The following UPK1A variants were observed in gnomAD, a reference collection of about 807,000 sequenced individuals.
The protein encoded by UPK1A is uroplakin 1A.
In UPK1A, 31 loss-of-function variants were observed where a neutral mutation model predicts 32.3. The observed-to-expected ratio is 0.96, with a 90% CI of 0.72 to 1.30. The LOEUF is 1.30. Ranked by LOEUF, UPK1A falls within the 50% of genes most tolerant of loss-of-function variation. The pLI is 0.00. For synonymous variants in UPK1A, 135 were observed against 137.1 expected, an observed-to-expected ratio of 0.98 and a Z score of 0.11; for missense variants, 340 against 357.4, an observed-to-expected ratio of 0.95 and a Z score of 0.39.
chr19:35,673,530 C>T (rs765159930), exon 5 of UPK1A: 3 of 1,613,514 alleles, frequency 1.9e-6, no homozygotes, highest in East Asian at 2.2e-5. Flanking sequence ...GCCTCTGGGA[C>T]CGCGTCATGA....
exon 2 of UPK1A, chr19:35,666,873 G>A: frequency 6.2e-7 from 1 of 1,614,104 alleles, no homozygotes; most frequent in Non-Finnish European, 8.5e-7. Flanking sequence ...GGGCCTGCTA[G>A]TTGTGGGCAA....
intron 2 of UPK1A, among the ~76,000 whole-genome samples, chr19:35,667,213 C>A (rs1168064184): frequency 1.3e-5 from 2 of 152,190 alleles, no homozygotes; most frequent in Admixed American, 1.3e-4. Context: ...ATCAGCATCA[C>A]TATGGATATA....
chr19:35,673,300 T>C (rs940444637), exon 4 of UPK1A: 6 of 1,614,016 alleles, frequency 3.7e-6, no homozygotes, highest in Non-Finnish European at 2.5e-6. Context: ...ACACCCACCG[T>C]GACTACGTGA....
chr19:35,675,845 A>T (rs1379750267), exon 6 of UPK1A: 1 of 1,609,806 alleles, frequency 6.2e-7, no homozygotes, highest in Admixed American at 1.7e-5. Flanking sequence ...TCTAGCAAGA[A>T]TGCTGTGGCA....
intron 1 of UPK1A, 104 bp from the exon 2 acceptor site, chr19:35,666,705 C>A: frequency 1.7e-6 from 2 of 1,179,308 alleles, no homozygotes; most frequent in Non-Finnish European, 1.2e-6. Flanking sequence ...GCCTGGGCCC[C>A]GCAGAGAGCT....
chr19:35,676,874 G>A (rs533312372), intron 6 of UPK1A, among the ~76,000 whole-genome samples: 128 of 151,264 alleles, frequency 8.5e-4, no homozygotes, highest in African/African-American at 3.0e-3. Context: ...ACCCCAGCCT[G>A]GGCGACAGAG....
At position 35,676,848 on chromosome 19, in the gene UPK1A, G is replaced by A. The variant is rs146127978; in HGVS notation, c.648+829G>A. The stretch of plus-strand genomic sequence containing the variant: ...CTGGAGGTGAAGGTTGCAGTGAGCC[G>A]AGATTGTGCCACTGCACCCCAGCCT... On this transcript the variant is annotated intron_variant, in intron 6 of 7. Transcript: ENST00000617999. 4.0e-3 allele frequency among the ~76,000 whole-genome samples: 601 copies of A among 151,914 alleles called. 33 individuals carry two copies. In the East Asian group the frequency reaches 0.11, roughly 27 times the overall value.
chr19:35,671,260 G>T (rs930807155), intron 3 of UPK1A, among the ~76,000 whole-genome samples: 1 of 149,988 alleles, frequency 6.7e-6, no homozygotes, highest in Admixed American at 6.7e-5. Flanking sequence ...GGTGGCGGGC[G>T]CCTGTAGTCC....
In UPK1A at chr19:35,673,428, T is replaced by A. The variant is rs1477875946; in HGVS notation, c.361-10T>A. 1.2e-6 allele frequency: 2 copies of A among 1,613,470 alleles called. No homozygotes were observed. The highest frequency in any genetic ancestry group is 1.7e-5 in the Admixed American group (1 of 59,978). ...CCCTGCCGGCCCTTGTTCTTCCCTG[T>A]TCTCCTCAGATGGTGTCCAACCCAT... On this transcript the variant is annotated splice_polypyrimidine_tract_variant and intron_variant, in intron 4 of 7. Coordinates refer to ENST00000617999, the Ensembl canonical transcript of UPK1A.
At chr19:35,675,847 G>T (rs753148691) in exon 6 of UPK1A, 1 of 1,610,664 alleles carries the variant, frequency 6.2e-7, no homozygotes, top group Non-Finnish European at 8.5e-7. Flanking sequence ...TAGCAAGAAT[G>T]CTGTGGCACA....
intron 3 of UPK1A, among the ~76,000 whole-genome samples, chr19:35,671,704 C>T (rs1320804645): frequency 5.3e-5 from 8 of 151,556 alleles, no homozygotes; most frequent in East Asian, 2.0e-4. Flanking sequence ...CCTCGTGATC[C>T]GCCCACCTCG....
intron 5 of UPK1A, among the ~76,000 whole-genome samples, chr19:35,674,402 G>A (rs1396121347): frequency 4.0e-5 from 6 of 151,750 alleles, no homozygotes; most frequent in East Asian, 3.9e-4. Flanking sequence ...GCCTGCCACC[G>A]CGCCCAGCTG....
At chr19:35,671,335 A>C (rs545597425) in intron 3 of UPK1A, among the ~76,000 whole-genome samples, 29 of 143,302 alleles carry the variant, frequency 2.0e-4, no homozygotes, top group Admixed American at 1.4e-4. Context: ...TGCAGTGAGC[A>C]GAGATCGCGC....
At chr19:35,667,274 C>T (rs1232007603) in intron 2 of UPK1A, among the ~76,000 whole-genome samples, 6 of 152,118 alleles carry the variant, frequency 3.9e-5, no homozygotes, top group Admixed American at 2.6e-4. Flanking sequence ...ACAACAGTGT[C>T]TTTCAATTAA....
In UPK1A at chr19:35,673,258, C is replaced by G; in HGVS notation, c.312C>G (p.Tyr104Ter). The change falls in exon 4 of 8, where the codon TAC becomes TAG. Residue 104 changes from tyrosine to a stop codon, truncating the protein, a stop_gained. Coordinates refer to ENST00000617999, the Ensembl canonical transcript of UPK1A. LOFTEE classifies it high-confidence loss of function. Reference sequence around the variant, plus strand: ...ACCTGGTGCTCATGCTCATCGTCTACATCTTCGAGTGCGCCTCCTGCATCA... The same window carrying G: ...ACCTGGTGCTCATGCTCATCGTCTAGATCTTCGAGTGCGCCTCCTGCATCA... 1 of 1,614,152 alleles carries G rather than the reference C, an allele frequency of 6.2e-7. No individual in the cohort carries two copies.
chr19:35,666,924 G>A (rs200117343), intron 2 of UPK1A, 28 bp downstream of exon 2: 82 of 1,612,648 alleles, frequency 5.1e-5, no homozygotes, highest in Middle Eastern at 1.7e-4. Context: ...GCTGGGAGCC[G>A]AGTGGTTGTG....
At chr19:35,673,123 A>C in intron 3 of UPK1A, 109 bp from the exon 4 acceptor site, 1 of 1,057,672 alleles carries the variant, frequency 9.5e-7, no homozygotes, top group Non-Finnish European at 1.4e-6. Flanking sequence ...GCTGCTAGTC[A>C]CACTGCCCCA....
intron 2 of UPK1A, chr19:35,668,029 C>T (rs558231258): frequency 3.9e-6 from 1 of 255,690 alleles, no homozygotes; most frequent in Non-Finnish European, 7.7e-6. Flanking sequence ...CTCAAGCAAT[C>T]CTCCCGCCTC....
chr19:35,674,794 C>T (rs1704903258), intron 5 of UPK1A, among the ~76,000 whole-genome samples: 2 of 152,034 alleles, frequency 1.3e-5, no homozygotes, highest in Admixed American at 1.3e-4. Flanking sequence ...ATAATCCCAA[C>T]ACTTTGGGAG....
Sources: gnomAD v4.1 joint callset for allele counts (sites outside exome capture counted in the v4.1 genomes callset) on GRCh38, gnomAD v4.1.1 for gene constraint, MANE v1.5 for transcripts, NCBI Gene and HGNC (gene_info 2026-07-23, HGNC 2026-07-21) for gene names.